EGF: variants seen among roughly 807,000 people sequenced by gnomAD.
EGF encodes epidermal growth factor, also known as pro-epidermal growth factor.
EGF carries 95 observed loss-of-function variants against 143.8 expected under a neutral mutation model. That is an observed-to-expected ratio of 0.66 (90% CI 0.56 to 0.78). EGF has a LOEUF of 0.78. Among genes scored for constraint, EGF ranks in the 30% least tolerant of loss-of-function variants. The pLI, the probability that EGF is intolerant of heterozygous loss-of-function variation, is 0.00. For synonymous variants in EGF, 510 were observed against 510.5 expected (o/e 1.00, Z 0.01); for missense variants, 1,320 against 1,470.9 (o/e 0.90, Z 1.68).
chr4:109,913,176 A>C lies in EGF; in HGVS notation c.-160A>C. The stretch of plus-strand genomic sequence containing the variant: ...CAGAAGGTCTCTCAGTTGAAGAAAG[A>C]GCTTGGAGGACAACAGCACAACAGG... On this transcript the variant is annotated 5_prime_UTR_variant, in exon 1 of 24. Coordinates refer to ENST00000265171, the MANE Select transcript of EGF (RefSeq NM_001963.6). 1.3e-6 allele frequency: 1 copy of C among 778,858 alleles called. No individual in the cohort carries two copies. The highest frequency in any genetic ancestry group is 2.1e-6 in the Non-Finnish European group (1 of 475,020). The allele number at this position is 778,858 out of a possible 1,614,324, so 48.2% of individuals were successfully genotyped here. A position where few individuals can be genotyped will look rare whatever the true frequency, so the allele number is the denominator to read the frequency against.
Position 109,993,341 on chromosome 4 carries a change from C to T in EGF, c.2829C>T (p.Arg943=). The change falls in exon 19 of 24, where the codon CGC becomes CGT. Residue 943 remains arginine, a synonymous_variant. Coordinates refer to ENST00000265171, the MANE Select transcript of EGF (RefSeq NM_001963.6). ...EGGYTCMCAG[R]LSEPGLICPD... is the part of the protein sequence containing the mutation. The stretch of plus-strand genomic sequence containing the variant: ...GCTATACCTGCATGTGTGCTGGACG[C>T]CTGTCTGAACCAGGACTGATTTGCC... The T allele has an allele frequency of 1.9e-6, 3 of 1,613,606 alleles. No individual in the cohort carries two copies. In the East Asian group the frequency reaches 6.7e-5, roughly 36 times the overall value.
chr4:109,924,669 C>T (rs1272469555), intron 1 of EGF, among the ~76,000 whole-genome samples: 1 of 152,140 alleles, frequency 6.6e-6, no homozygotes, highest in Non-Finnish European at 1.5e-5. Context: ...GGCTCAGACG[C>T]CTTCCTACAA....
chr4:109,941,992 T>G (rs1216403334), intron 2 of EGF, among the ~76,000 whole-genome samples: 2 of 152,194 alleles, frequency 1.3e-5, no homozygotes, highest in Non-Finnish European at 2.9e-5. Flanking sequence ...CTATTTTTTG[T>G]TTTTTAGCCA....
chr4:109,925,586 T>TAAAGAGTCAAC (rs1391183476), intron 1 of EGF, among the ~76,000 whole-genome samples: 1 of 152,172 alleles, frequency 6.6e-6, no homozygotes, highest in African/African-American at 2.4e-5. Context: ...TTGGAGCCAA[T>TAAAGAGTCAAC]AAAGAGTCAA....
rs944789675 is a variant in EGF at position 109,993,122 on chromosome 4, TAG to T, written c.2735-124_2735-123del. 5.8e-5 allele frequency: 63 copies of T among 1,092,010 alleles called. No homozygotes were observed. The African/African-American group carries it at 8.8e-4, about 15-fold the overall frequency. 67.6% of individuals were successfully genotyped at this position (1,092,010 alleles called of 1,614,324 possible). A position where few individuals can be genotyped will look rare whatever the true frequency, so the allele number is the denominator to read the frequency against. On this transcript the variant is annotated intron_variant, in intron 18 of 23. Coordinates refer to ENST00000265171, the MANE Select transcript of EGF (RefSeq NM_001963.6). ...AAAAAATATATATTAAAAAAATATA[TAG>T]GTCTCTGAGAACATATAGCATGACA...
In EGF at chr4:109,958,112, T is replaced by C. The variant is rs1211882340; in HGVS notation, c.941-1200T>C. Among the ~76,000 whole-genome samples the C allele has an allele frequency of 7.2e-5, 11 of 152,132 alleles. 1 individual carries two copies. The highest frequency in any genetic ancestry group is 7.2e-4 in the Admixed American group (11 of 15,274). On this transcript the variant is annotated intron_variant, in intron 5 of 23. Coordinates refer to ENST00000265171, the MANE Select transcript of EGF (RefSeq NM_001963.6). ...ATGCTTAAGTTCTAATATAAAACGG[T>C]GTATTTGTATATAACCTAGCCACAT... is the stretch of plus-strand genomic sequence containing the variant.
Position 109,987,812 on chromosome 4 carries a change from A to C in EGF, c.2560A>C (p.Thr854Pro), listed in dbSNP as rs1560741774. The C allele has an allele frequency of 6.2e-7, 1 of 1,613,894 alleles. No homozygotes were observed. Among genetic ancestry groups the C allele is most frequent in the Admixed American group, 1.7e-5 (1 of 60,000 alleles). The change falls in exon 17 of 24, where the codon ACA becomes CCA. Residue 854 changes from threonine to proline, a missense_variant. This residue lies in a region of EGF where 1,186 missense variants were observed against 1,313.7 expected (regional missense o/e 0.90). Coordinates refer to ENST00000265171, the MANE Select transcript of EGF (RefSeq NM_001963.6). The stretch of plus-strand genomic sequence containing the variant: ...GTGTATTTCAGAGGGAGAGGATGCC[A>C]CATGTCAGTGTTTGAAAGGATTTGC... The part of the protein sequence containing the change: ...ARCISEGEDA[T>P]CQCLKGFAGD...
In EGF at chr4:109,976,251, G is replaced by A; in HGVS notation, c.2053+16G>A. Reference sequence around the variant, plus strand: ...AATGATGTAGGTGAGGCTTTGGGATGGGCGATTTTTTCATCTTGACTGAGT... The same window carrying A: ...AATGATGTAGGTGAGGCTTTGGGATAGGCGATTTTTTCATCTTGACTGAGT... On this transcript the variant is annotated intron_variant, in intron 13 of 23. Transcript: ENST00000265171. 1 of 1,609,176 alleles carries A rather than the reference G, an allele frequency of 6.2e-7. No individual in the cohort carries two copies. Among genetic ancestry groups the A allele is most frequent in the Non-Finnish European group, 8.5e-7 (1 of 1,176,772 alleles).
In EGF at chr4:110,013,310, AG is replaced by A; in HGVS notation, c.*1856del. On this transcript the variant is annotated 3_prime_UTR_variant, in exon 24 of 24. Coordinates refer to ENST00000265171, the MANE Select transcript of EGF (RefSeq NM_001963.6). The stretch of plus-strand genomic sequence containing the variant: ...CTTTTAGGGGTTCAATGATGACAAA[AG>A]AAATGACATGAGAACACGGCTACCC... Among the ~76,000 whole-genome samples the A allele has an allele frequency of 6.6e-6, 1 of 152,272 alleles. No homozygotes were observed. Among genetic ancestry groups the A allele is most frequent in the East Asian group, 1.9e-4 (1 of 5,172 alleles).
chr4:109,996,918 C>A (rs140290628), intron 20 of EGF, among the ~76,000 whole-genome samples: 597 of 152,308 alleles, frequency 3.9e-3, no homozygotes, highest in African/African-American at 0.013. Context: ...CCAAGACCCC[C>A]CAACATCAGT....
chr4:109,946,151 T>A (rs1164463552), intron 5 of EGF, among the ~76,000 whole-genome samples: 2 of 152,176 alleles, frequency 1.3e-5, no homozygotes, highest in Non-Finnish European at 2.9e-5. Context: ...AATGTCCACT[T>A]CTCTTCTCTA....
chr4:109,971,356 T>C (rs1465843089), intron 11 of EGF, among the ~76,000 whole-genome samples: 1 of 152,198 alleles, frequency 6.6e-6, no homozygotes, highest in Non-Finnish European at 1.5e-5. Context: ...TAAAAGAATA[T>C]TTTAAATGTC....
At chr4:109,970,824 CA>C (rs371512157) in intron 11 of EGF, among the ~76,000 whole-genome samples, 1,794 of 72,920 alleles carry the variant, frequency 0.025, 24 homozygotes, top group African/African-American at 0.084. Flanking sequence ...GACTCCGTCT[CA>C]AAAAAAAAAA....
At chr4:109,969,227 T>C in intron 11 of EGF, 108 bp downstream of exon 11, 1 of 1,465,350 alleles carries the variant, frequency 6.8e-7, no homozygotes, top group Non-Finnish European at 9.5e-7. Flanking sequence ...TGCTGGGCAT[T>C]TGGTTGGGAT....
rs371631783 is a variant in EGF, at chr4:110,009,834, A to G, written c.3371-1368A>G. The stretch of plus-strand genomic sequence containing the variant: ...ACACAATACTAGTGTAGTTCCATAA[A>G]ACCATCTTCACTGAGCTCAGCTGAC... On this transcript the variant is annotated intron_variant, in intron 23 of 23. Transcript: ENST00000265171. 1.2e-4 allele frequency among the ~76,000 whole-genome samples: 19 copies of G among 152,278 alleles called. No individual in the cohort carries two copies. In the South Asian group the frequency reaches 3.9e-3, roughly 32 times the overall value.
intron 1 of EGF, among the ~76,000 whole-genome samples, chr4:109,919,629 T>G (rs78657730): frequency 6.8e-6 from 1 of 147,468 alleles, no homozygotes; most frequent in Non-Finnish European, 1.5e-5. Flanking sequence ...TGTGCTCAGG[T>G]GAAATGGTAC....
At chr4:109,944,552 A>G (rs7655579) in intron 4 of EGF, among the ~76,000 whole-genome samples, 58,591 of 152,156 alleles carry the variant, frequency 0.39, 11,641 homozygotes, top group East Asian at 0.5. Flanking sequence ...GATAATCATA[A>G]TATCAGTCTC....
intron 12 of EGF, among the ~76,000 whole-genome samples, chr4:109,975,330 C>T (rs1366448664): frequency 2.0e-5 from 3 of 152,046 alleles, no homozygotes; most frequent in Non-Finnish European, 4.4e-5. Flanking sequence ...AGATAAAAAC[C>T]AACCCTATTT....
rs563966426 is a variant in EGF at position 109,929,905 on chromosome 4, T to A, written c.128-11041T>A. On this transcript the variant is annotated intron_variant, in intron 1 of 23. Transcript: ENST00000265171. ...GCTGTGTGTCCCCACTCAAATTCCATCTTGAATTGTAATCCCCAGGTGTTG... is the reference window on the plus strand; with the variant it reads ...GCTGTGTGTCCCCACTCAAATTCCAACTTGAATTGTAATCCCCAGGTGTTG... Among the ~76,000 whole-genome samples, 6 of 152,266 alleles carry A rather than the reference T, an allele frequency of 3.9e-5. No homozygotes were observed. In the South Asian group the frequency reaches 1.2e-3, roughly 32 times the overall value.
Sources: allele counts gnomAD v4.1 joint callset (sites outside exome capture counted in the v4.1 genomes callset), GRCh38; gene constraint gnomAD v4.1.1; regional missense constraint gnomAD v4.1.1; transcripts MANE v1.5; gene names NCBI Gene and HGNC (gene_info 2026-07-23, HGNC 2026-07-21).